The following GRID1 variants were observed in gnomAD, a reference collection of about 807,000 sequenced individuals.
The protein encoded by GRID1 is glutamate ionotropic receptor delta type subunit 1, also known as glutamate receptor ionotropic, delta-1.
In GRID1, 28 loss-of-function variants were observed where a neutral mutation model predicts 98.0. That is an observed-to-expected ratio of 0.29 (90% confidence interval 0.21 to 0.39). The LOEUF is 0.39. Among genes scored for constraint, GRID1 ranks in the 10% least tolerant of loss-of-function variants. The probability of loss-of-function intolerance (pLI) is 1.00; values close to 1 mark genes in which losing one functional copy is unlikely to be tolerated. For missense variants in GRID1, 1,111 were observed against 1,340.5 expected (o/e 0.83, Z 2.67); for synonymous variants, 553 against 538.5 (o/e 1.03, Z -0.37).
chr10:86,168,650 G>A (rs917030034), intron 3 of GRID1, among the ~76,000 whole-genome samples: 1 of 152,210 alleles, frequency 6.6e-6, no homozygotes, highest in African/African-American at 2.4e-5. Context: ...GCCTCAGCAA[G>A]CCCAGGGCAG....
chr10:86,145,428 T>G (rs567040027), intron 3 of GRID1, among the ~76,000 whole-genome samples: 5 of 152,182 alleles, frequency 3.3e-5, no homozygotes, highest in Admixed American at 2.6e-4. Context: ...TCACCATGCC[T>G]AACAGCATTT....
At chr10:85,672,149 G>C (rs1026006236) in intron 12 of GRID1, among the ~76,000 whole-genome samples, 2 of 152,206 alleles carry the variant, frequency 1.3e-5, no homozygotes, top group Non-Finnish European at 2.9e-5. Context: ...TTTCAGTGTA[G>C]ATGCAATGGC....
intron 12 of GRID1, among the ~76,000 whole-genome samples, chr10:85,704,455 C>G (rs1286263614): frequency 6.6e-6 from 1 of 152,090 alleles, no homozygotes; most frequent in Non-Finnish European, 1.5e-5. Flanking sequence ...ACAGGAGTAC[C>G]CAGATTCATA....
chr10:85,962,981 C>T (rs370748246), intron 4 of GRID1, among the ~76,000 whole-genome samples: 1 of 152,278 alleles, frequency 6.6e-6, no homozygotes, highest in East Asian at 1.9e-4. Flanking sequence ...AAGTGCTCTG[C>T]TAGGCATAAG....
intron 4 of GRID1, among the ~76,000 whole-genome samples, chr10:85,955,163 C>A (rs1034074439): frequency 3.2e-4 from 49 of 152,190 alleles, no homozygotes; most frequent in African/African-American, 1.1e-3. Flanking sequence ...GAAGGAAAGA[C>A]TCCATCTCCC....
intron 10 of GRID1, among the ~76,000 whole-genome samples, chr10:85,727,412 G>A (rs529374683): frequency 5.5e-4 from 83 of 152,240 alleles, no homozygotes; most frequent in Middle Eastern, 3.4e-3. Flanking sequence ...TAAGTATGAG[G>A]ACCTGGGGGA....
At chr10:85,630,790 G>T (rs1842966930) in intron 13 of GRID1, among the ~76,000 whole-genome samples, 1 of 152,156 alleles carries the variant, frequency 6.6e-6, no homozygotes, top group Non-Finnish European at 1.5e-5. Context: ...TTGGAACGAG[G>T]TCCAAAATGC....
At chr10:86,363,149 A>T (rs1848623130) in intron 2 of GRID1, among the ~76,000 whole-genome samples, 1 of 152,254 alleles carries the variant, frequency 6.6e-6, no homozygotes, top group African/African-American at 2.4e-5. Flanking sequence ...AGAGGAGGGA[A>T]AGCAGAGGGG....
intron 2 of GRID1, among the ~76,000 whole-genome samples, chr10:86,261,646 CA>C (rs1421111975): frequency 1.3e-5 from 2 of 152,102 alleles, no homozygotes; most frequent in Non-Finnish European, 2.9e-5. Flanking sequence ...GGAGCAAGGC[CA>C]AAAGGACAAG....
At chr10:85,844,697 G>T (rs1842990269) in intron 8 of GRID1, among the ~76,000 whole-genome samples, 1 of 151,868 alleles carries the variant, frequency 6.6e-6, no homozygotes, top group East Asian at 1.9e-4. Context: ...AAATTAGATG[G>T]TATCAAACTT....
intron 8 of GRID1, among the ~76,000 whole-genome samples, chr10:85,805,948 C>A: frequency 6.7e-6 from 1 of 148,436 alleles, no homozygotes; most frequent in Admixed American, 6.7e-5. Context: ...AAACAAAAAG[C>A]CATAAAAGAA....
chr10:86,121,413 C>T (rs533743939), intron 4 of GRID1, among the ~76,000 whole-genome samples: 1 of 151,904 alleles, frequency 6.6e-6, no homozygotes, highest in African/African-American at 2.4e-5. Flanking sequence ...TCATCAACAC[C>T]ATCATTATCA....
intron 4 of GRID1, among the ~76,000 whole-genome samples, chr10:86,079,958 G>T (rs1252355474): frequency 6.6e-6 from 1 of 152,170 alleles, no homozygotes; most frequent in African/African-American, 2.4e-5. Flanking sequence ...AGGACCATTC[G>T]GTAGAGGAGG....
At chr10:86,319,254 T>C (rs965110737) in intron 2 of GRID1, among the ~76,000 whole-genome samples, 4 of 152,044 alleles carry the variant, frequency 2.6e-5, no homozygotes, top group Non-Finnish European at 4.4e-5. Flanking sequence ...CTATGGTGGG[T>C]TGTAAGCAAG....
Position 85,652,562 on chromosome 10 carries a change from G to A in GRID1, c.1998-5165C>T, listed in dbSNP as rs138636945. 3.9e-5 allele frequency among the ~76,000 whole-genome samples: 6 copies of A among 152,280 alleles called. No individual in the cohort carries two copies. The East Asian group carries it at 7.7e-4, about 20-fold the overall frequency. On this transcript the variant is annotated intron_variant, in intron 12 of 15. Coordinates refer to ENST00000327946, the MANE Select transcript of GRID1 (RefSeq NM_017551.3). Reference sequence around the variant, plus strand: ...ATCCTGGTGACTTGAAACTTTCATAGCTACAGCCTACAGATGCCTTTACTA... The same window carrying A: ...ATCCTGGTGACTTGAAACTTTCATAACTACAGCCTACAGATGCCTTTACTA...
At chr10:86,231,477 C>A (rs1334647932) in intron 2 of GRID1, among the ~76,000 whole-genome samples, 1 of 152,152 alleles carries the variant, frequency 6.6e-6, no homozygotes, top group Non-Finnish European at 1.5e-5. Context: ...AACCCTTGTG[C>A]CCTGAGCCAG....
intron 8 of GRID1, among the ~76,000 whole-genome samples, chr10:85,831,063 C>T (rs954819835): frequency 4.6e-5 from 7 of 151,950 alleles, no homozygotes; most frequent in African/African-American, 7.3e-5. Flanking sequence ...AACATTAATG[C>T]CCATCAATGG....
At chr10:86,268,964 C>T (rs972748458) in intron 2 of GRID1, among the ~76,000 whole-genome samples, 2 of 151,116 alleles carry the variant, frequency 1.3e-5, no homozygotes, top group East Asian at 3.9e-4. Flanking sequence ...CACTCCAGCC[C>T]GGGTGACAGA....
intron 8 of GRID1, among the ~76,000 whole-genome samples, chr10:85,844,753 T>C (rs906424346): frequency 2.6e-5 from 4 of 152,096 alleles, no homozygotes; most frequent in African/African-American, 7.2e-5. Flanking sequence ...CAGCATGGTA[T>C]GGTATTGGTG....
Sources: allele counts gnomAD v4.1 joint callset (sites outside exome capture counted in the v4.1 genomes callset), GRCh38; gene constraint gnomAD v4.1.1; transcripts MANE v1.5; gene names NCBI Gene and HGNC (gene_info 2026-07-23, HGNC 2026-07-21).